DOCK3: variants seen among roughly 807,000 people sequenced by gnomAD.
DOCK3 encodes the protein dedicator of cytokinesis 3.
In DOCK3, 60 loss-of-function variants were observed where a neutral mutation model predicts 265.6. The ratio of observed to expected loss-of-function variants is 0.23; its 90% CI spans 0.18 to 0.28. The LOEUF (loss-of-function observed/expected upper bound fraction) is 0.28. Ranked by LOEUF, DOCK3 falls within the 10% of genes least tolerant of loss-of-function variation. The pLI is 1.00. For synonymous variants in DOCK3, 881 were observed against 938.0 expected (o/e 0.94, Z 1.11); for missense variants, 1,981 against 2,594.3 (o/e 0.76, Z 5.14).
chr3:51,078,359 G>A (rs901708212), intron 7 of DOCK3, among the ~76,000 whole-genome samples: 1 of 152,088 alleles, frequency 6.6e-6, no homozygotes, highest in Admixed American at 6.5e-5. Context: ...AAGTTTAGAG[G>A]TTCAATTCAG....
At chr3:50,969,766 C>A (rs1442692302) in intron 5 of DOCK3, among the ~76,000 whole-genome samples, 5 of 152,130 alleles carry the variant, frequency 3.3e-5, no homozygotes, top group Admixed American at 3.3e-4. Flanking sequence ...TCATGATTGA[C>A]ACTTTTTTAT....
At chr3:51,269,725 C>G (rs370371094) in intron 23 of DOCK3, among the ~76,000 whole-genome samples, 2 of 152,166 alleles carry the variant, frequency 1.3e-5, no homozygotes, top group East Asian at 3.8e-4. Context: ...CATAAGGGGA[C>G]TGAGAAGTGA....
At chr3:51,287,680 T>C (rs1416442332) in intron 27 of DOCK3, among the ~76,000 whole-genome samples, 2 of 152,190 alleles carry the variant, frequency 1.3e-5, no homozygotes, top group African/African-American at 4.8e-5. Flanking sequence ...ACTTATACAC[T>C]GCTAATGGGA....
intron 4 of DOCK3, chr3:50,901,613 G>A (rs2049200193): frequency 2.2e-6 from 1 of 452,852 alleles, no homozygotes. Flanking sequence ...GGCACCCGAG[G>A]GAATCTCCTG....
intron 32 of DOCK3, among the ~76,000 whole-genome samples, chr3:51,319,506 C>T (rs1324940640): frequency 6.6e-6 from 1 of 151,760 alleles, no homozygotes; most frequent in Non-Finnish European, 1.5e-5. Flanking sequence ...CCATCACTAA[C>T]ACTGACCAGC....
At chr3:50,936,081 AGAC>A in intron 5 of DOCK3, among the ~76,000 whole-genome samples, 1 of 152,222 alleles carries the variant, frequency 6.6e-6, no homozygotes, top group East Asian at 1.9e-4. Context: ...ACAAAAACAT[AGAC>A]GACCTTAGGA....
At chr3:51,190,259 C>A (rs2087866270) in intron 12 of DOCK3, among the ~76,000 whole-genome samples, 1 of 152,172 alleles carries the variant, frequency 6.6e-6, no homozygotes, top group Admixed American at 6.5e-5. Flanking sequence ...CTGGGTCTAG[C>A]TGCCCAGTGG....
chr3:51,261,436 C>A (rs535100689), intron 23 of DOCK3, among the ~76,000 whole-genome samples: 110 of 152,292 alleles, frequency 7.2e-4, no homozygotes, highest in African/African-American at 2.6e-3. Flanking sequence ...GAGATTCCCT[C>A]AGGTGCCTAC....
intron 5 of DOCK3, among the ~76,000 whole-genome samples, chr3:50,937,582 G>T (rs1575573806): frequency 6.6e-6 from 1 of 152,170 alleles, no homozygotes; most frequent in Non-Finnish European, 1.5e-5. Flanking sequence ...CATGAACCCG[G>T]AAGGCAGAGC....
chr3:51,350,173 C>T, intron 39 of DOCK3, 115 bp from the exon 40 acceptor site: 1 of 856,952 alleles, frequency 1.2e-6, no homozygotes, highest in Middle Eastern at 2.3e-4. Flanking sequence ...TACTTCTTAT[C>T]TAGATTGAGT....
intron 12 of DOCK3, among the ~76,000 whole-genome samples, chr3:51,164,940 C>CT (rs66495824): frequency 0.81 from 86,369 of 106,912 alleles, 35,789 homozygotes; most frequent in South Asian, 0.9. Flanking sequence ...GTTTAGGAGC[C>CT]TTTTTTTTTT....
At chr3:51,018,313 C>G (rs1036876459) in intron 5 of DOCK3, among the ~76,000 whole-genome samples, 1 of 151,524 alleles carries the variant, frequency 6.6e-6, no homozygotes, top group Non-Finnish European at 1.5e-5. Context: ...TTAAGAACAC[C>G]TTGGCTGGGC....
At chr3:51,147,148 G>A (rs1218157657) in intron 10 of DOCK3, among the ~76,000 whole-genome samples, 1 of 152,130 alleles carries the variant, frequency 6.6e-6, no homozygotes, top group East Asian at 1.9e-4. Context: ...TATGACATAG[G>A]TCTTTCTTAC....
intron 1 of DOCK3, among the ~76,000 whole-genome samples, chr3:50,769,735 C>T (rs898739749): frequency 1.3e-5 from 2 of 150,370 alleles, no homozygotes; most frequent in African/African-American, 2.5e-5. Flanking sequence ...TCGCTTGAAC[C>T]TGGGAGGCAG....
intron 19 of DOCK3, among the ~76,000 whole-genome samples, chr3:51,231,609 G>T (rs2108424159): frequency 6.6e-6 from 1 of 152,178 alleles, no homozygotes; most frequent in South Asian, 2.1e-4. Flanking sequence ...TAATGGAATT[G>T]TTTTTTGCTT....
At chr3:51,145,436 G>A (rs1187686185) in intron 9 of DOCK3, among the ~76,000 whole-genome samples, 1 of 151,920 alleles carries the variant, frequency 6.6e-6, no homozygotes, top group East Asian at 1.9e-4. Flanking sequence ...GTGTCCATGT[G>A]TTCTCATTGT....
At chr3:50,960,005 A>T (rs2076844107) in intron 5 of DOCK3, among the ~76,000 whole-genome samples, 1 of 152,218 alleles carries the variant, frequency 6.6e-6, no homozygotes, top group Non-Finnish European at 1.5e-5. Flanking sequence ...TCTTTTACTT[A>T]GCATAATGTT....
At chr3:50,770,640 C>A (rs1381304907) in intron 1 of DOCK3, among the ~76,000 whole-genome samples, 1 of 152,202 alleles carries the variant, frequency 6.6e-6, no homozygotes, top group Non-Finnish European at 1.5e-5. Flanking sequence ...TCACAGCATT[C>A]CTAAGCAAAA....
At chr3:50,824,138 G>T (rs551258565) in intron 2 of DOCK3, among the ~76,000 whole-genome samples, 22 of 152,196 alleles carry the variant, frequency 1.4e-4, no homozygotes, top group African/African-American at 5.1e-4. Context: ...AAATTCTGTT[G>T]GGTTGTATGG....
Sources: gnomAD v4.1 joint callset for allele counts (sites outside exome capture counted in the v4.1 genomes callset) on GRCh38, gnomAD v4.1.1 for gene constraint, MANE v1.5 for transcripts, NCBI Gene and HGNC (gene_info 2026-07-23, HGNC 2026-07-21) for gene names.